The following ZNF862 variants were observed in gnomAD, a reference collection of about 807,000 sequenced individuals.
The protein encoded by ZNF862 is zinc finger protein 862.
A neutral mutation model predicts 91.1 loss-of-function variants in ZNF862; 64 were observed. The observed-to-expected ratio is 0.70, with a 90% CI of 0.57 to 0.87. The LOEUF (loss-of-function observed/expected upper bound fraction) is 0.87, where lower values mean the gene tolerates loss of function less well. ZNF862 is among the 40% of genes least tolerant of loss of function. The pLI is 0.00. For missense variants in ZNF862, 1,459 were observed against 1,528.0 expected, an observed-to-expected ratio of 0.95 and a Z score of 0.75; for synonymous variants, 631 against 618.1, an observed-to-expected ratio of 1.02 and a Z score of -0.31.
chr7:149,861,980 A>C lies in ZNF862; in HGVS notation c.2820A>C (p.Arg940=). 6.2e-7 allele frequency: 1 copy of C among 1,613,174 alleles called. No homozygotes were observed. Among genetic ancestry groups the C allele is most frequent in the Non-Finnish European group, 8.5e-7 (1 of 1,179,794 alleles). The change falls in exon 7 of 8, where the codon CGA becomes CGC. Residue 940 remains arginine, a synonymous_variant. Transcript: ENST00000223210. The surrounding 1 kb of genome is among the most constrained non-coding windows in gnomAD (Gnocchi z 6.7). ...EYLQQRFDAD[R]PPQLKNMEVF... ...TCCAGCAGAGGTTTGACGCAGACCGACCCCCACAGCTGAAGAACATGGAGG... is the reference window on the plus strand; with the variant it reads ...TCCAGCAGAGGTTTGACGCAGACCGCCCCCCACAGCTGAAGAACATGGAGG...
rs1563116351 is a variant in ZNF862 at position 149,844,605 on chromosome 7, A to G, written c.25-20A>G. On this transcript the variant is annotated intron_variant, in intron 1 of 7. Transcript: ENST00000223210. Reference sequence around the variant, plus strand: ...TCTAAGGAAGAGAGTGGTACTTAGCAGCTGTCATTTTCCTTTCAGGCTCCT... The same window carrying G: ...TCTAAGGAAGAGAGTGGTACTTAGCGGCTGTCATTTTCCTTTCAGGCTCCT... 2 of 1,531,712 alleles carry G rather than the reference A, an allele frequency of 1.3e-6. No individual in the cohort carries two copies. Among genetic ancestry groups the G allele is most frequent in the Non-Finnish European group, 8.9e-7 (1 of 1,120,376 alleles). The allele number at this position is 1,531,712 out of a possible 1,614,324, so 94.9% of individuals were successfully genotyped here.
intron 6 of ZNF862, 117 bp from the exon 7 acceptor site, chr7:149,860,266 C>G: frequency 1.2e-6 from 1 of 866,402 alleles, no homozygotes; most frequent in East Asian, 2.6e-5. Flanking sequence ...AGAAGGATTG[C>G]ATTCATCTTC....
In ZNF862 at chr7:149,841,779, T is replaced by TA. The variant is rs11399816; in HGVS notation, c.25-2845dup. 5,851 of 984,482 alleles carry TA rather than the reference T, an allele frequency of 5.9e-3. 211 individuals carry two copies. In the African/African-American group the frequency reaches 0.086, roughly 14 times the overall value. The allele number at this position is 984,482 out of a possible 1,614,324, so 61.0% of individuals were successfully genotyped here. On this transcript the variant is annotated intron_variant, in intron 1 of 7. Coordinates refer to ENST00000223210, the MANE Select transcript of ZNF862 (RefSeq NM_001099220.3). The stretch of plus-strand genomic sequence containing the variant: ...CTATCTTTCCTGTACAAGTGACTGA[T>TA]ACTCCTTTCTCATTTTTTTCTGAAC...
In ZNF862 at chr7:149,862,306, T is replaced by A. The variant is rs1021360007; in HGVS notation, c.3146T>A (p.Ile1049Asn). 12 of 1,613,500 alleles carry A rather than the reference T, an allele frequency of 7.4e-6. No individual in the cohort carries two copies. The highest frequency in any genetic ancestry group is 1.0e-5 in the Non-Finnish European group (12 of 1,179,730). ...CGGGGGTTCAAGGCCATGAACCGAATCAGGACCGATGAGAGGACCAAGCTC... is the reference window on the plus strand; with the variant it reads ...CGGGGGTTCAAGGCCATGAACCGAAACAGGACCGATGAGAGGACCAAGCTC... Reference protein sequence around the residue: ...CERGFKAMNRIRTDERTKLSN... With the variant: ...CERGFKAMNRNRTDERTKLSN... Residue 1049 changes from isoleucine (I) to asparagine (N), a missense_variant, in exon 7 of 8, where the codon ATC (isoleucine) becomes AAC (asparagine). Coordinates refer to ENST00000223210, the MANE Select transcript of ZNF862 (RefSeq NM_001099220.3).
chr7:149,841,130 CTG>C (rs1171316334), intron 1 of ZNF862: 20 of 985,330 alleles, frequency 2.0e-5, no homozygotes, highest in Non-Finnish European at 2.4e-5. Flanking sequence ...ACAAAACCAA[CTG>C]TCAGTGTAAG....
chr7:149,851,329 C>T (rs1467257378), intron 5 of ZNF862, among the ~76,000 whole-genome samples: 1 of 152,196 alleles, frequency 6.6e-6, no homozygotes, highest in Non-Finnish European at 1.5e-5. Flanking sequence ...GCACACCTGG[C>T]CAACATGTTT....
Position 149,850,121 on chromosome 7 carries a change from T to C in ZNF862, c.940-40T>C, listed in dbSNP as rs1270963115. On this transcript the variant is annotated intron_variant, in intron 4 of 7. Coordinates refer to ENST00000223210, the MANE Select transcript of ZNF862 (RefSeq NM_001099220.3). The surrounding 1 kb of genome is among the most constrained non-coding windows in gnomAD (Gnocchi z 4.2). ...CAGAAGTGTCACGTGGGAGTCTGGC[T>C]CGGCAGGCGGTGCTGAGTGGCCGCT... 6.5e-7 allele frequency: 1 copy of C among 1,549,942 alleles called. No homozygotes were observed. Among genetic ancestry groups the C allele is most frequent in the Non-Finnish European group, 8.7e-7 (1 of 1,146,916 alleles).
At position 149,861,870 on chromosome 7, in the gene ZNF862, G is replaced by T; in HGVS notation, c.2710G>T (p.Gly904Cys). 1 of 1,613,724 alleles carries T rather than the reference G, an allele frequency of 6.2e-7. No homozygotes were observed. Among genetic ancestry groups the T allele is most frequent in the Non-Finnish European group, 8.5e-7 (1 of 1,179,874 alleles). Reference sequence around the variant, plus strand: ...CAGCTTCAAGGATGGGCGGCTCCACGGCATCTGCTTGGACAAACTGGAGGT... The same window carrying T: ...CAGCTTCAAGGATGGGCGGCTCCACTGCATCTGCTTGGACAAACTGGAGGT... ...NASFKDGRLH[G>C]ICLDKLEVAE... Residue 904 changes from glycine to cysteine, a missense_variant, in exon 7 of 8, where the codon GGC becomes TGC. Gly to Cys is a radical substitution (Grantham distance 159). Coordinates refer to ENST00000223210, the MANE Select transcript of ZNF862 (RefSeq NM_001099220.3). This position sits in a 1 kb window ranked among gnomAD's most constrained non-coding sequence, Gnocchi z 6.7.
rs755995117 is a variant in ZNF862, at chr7:149,847,874, C to T, written c.381C>T (p.Ala127=). The change falls in exon 4 of 8, where the codon GCC becomes GCT. Residue 127 remains alanine, a synonymous_variant. Transcript: ENST00000223210. ...TGSGHIEGDW[A]GRNRKLLKPR... ...GTGGACACATCGAGGGAGACTGGGC[C>T]GGAAGAAACAGGAAACTTCTGAAGC... 56 of 1,611,140 alleles carry T rather than the reference C, an allele frequency of 3.5e-5. No individual in the cohort carries two copies. Among genetic ancestry groups the T allele is most frequent in the Admixed American group, 1.2e-4 (7 of 59,538 alleles).
rs944095952 is a variant in ZNF862 at position 149,847,744 on chromosome 7, A to C, written c.251A>C (p.Gln84Pro). 1 of 1,606,514 alleles carries C rather than the reference A, an allele frequency of 6.2e-7. No homozygotes were observed. Among genetic ancestry groups the C allele is most frequent in the Non-Finnish European group, 8.5e-7 (1 of 1,177,080 alleles). ...SLLEHHPGKK[Q>P]MGYMGEMEVQ... The stretch of plus-strand genomic sequence containing the variant: ...TGTCTCTTCTCTAAAGGAAAAAAAC[A>C]GATGGGCTACATGGGAGAAATGGAG... The change falls in exon 4 of 8, where the codon CAG becomes CCG. Residue 84 changes from glutamine (Q) to proline (P), a missense_variant. Coordinates refer to ENST00000223210, the MANE Select transcript of ZNF862 (RefSeq NM_001099220.3).
chr7:149,863,166 G>A (rs1276155854), intron 7 of ZNF862, among the ~76,000 whole-genome samples: 1 of 151,298 alleles, frequency 6.6e-6, no homozygotes, highest in Non-Finnish European at 1.5e-5. Flanking sequence ...GGGAGGGCAA[G>A]TTACTGAAAG....
At position 149,850,265 on chromosome 7, in the gene ZNF862, C is replaced by A. The variant is rs373255272; in HGVS notation, c.1044C>A (p.Gly348=). ...VAVYFTREEW[G]MLDKRQKELY... ...TGTATTTCACCCGGGAGGAGTGGGG[C>A]ATGCTAGACAAGCGGCAGAAGGAGC... is the stretch of plus-strand genomic sequence containing the variant. Residue 348 remains glycine, a synonymous_variant, in exon 5 of 8, where the codon GGC becomes GGA. Coordinates refer to ENST00000223210, the MANE Select transcript of ZNF862 (RefSeq NM_001099220.3). This position sits in a 1 kb window ranked among gnomAD's most constrained non-coding sequence, Gnocchi z 4.2. 6.2e-7 allele frequency: 1 copy of A among 1,613,636 alleles called. No individual in the cohort carries two copies. Among genetic ancestry groups the A allele is most frequent in the South Asian group, 1.1e-5 (1 of 90,978 alleles).
In ZNF862 at chr7:149,847,733, A is replaced by G. The variant is rs1336533281; in HGVS notation, c.242-2A>G. On this transcript the variant is annotated splice_acceptor_variant, in intron 3 of 7. Transcript: ENST00000223210. LOFTEE classifies it high-confidence loss of function. ...CCAATCCCTTCTGTCTCTTCTCTAA[A>G]GGAAAAAAACAGATGGGCTACATGG... 2 of 1,601,958 alleles carry G rather than the reference A, an allele frequency of 1.2e-6. No individual in the cohort carries two copies. Among genetic ancestry groups the G allele is most frequent in the Non-Finnish European group, 1.7e-6 (2 of 1,174,598 alleles).
chr7:149,841,079 T>A, intron 1 of ZNF862: 1 of 985,396 alleles, frequency 1.0e-6, no homozygotes, highest in Non-Finnish European at 1.2e-6. Context: ...TTTTCTAATA[T>A]GGGAAATGAG....
rs778388896 is a variant in ZNF862, at chr7:149,848,122, A to T, written c.629A>T (p.Asp210Val). ...TGTGTCAATGCCTTGGCAGCGAGGG[A>T]CCCCATCTGGGCAGCCCGGTTCCGG... ...MFCVNALAAR[D>V]PIWAARFRSI... Residue 210 changes from aspartate to valine, a missense_variant, in exon 4 of 8, where the codon GAC becomes GTC. Asp to Val is a radical substitution (Grantham distance 152). Transcript: ENST00000223210. 2 of 1,614,006 alleles carry T rather than the reference A, an allele frequency of 1.2e-6. No individual in the cohort carries two copies. Among genetic ancestry groups the T allele is most frequent in the South Asian group, 2.2e-5 (2 of 91,086 alleles).
Position 149,862,005 on chromosome 7 carries a change from G to T in ZNF862, c.2845G>T (p.Val949Leu). Residue 949 changes from valine (V) to leucine (L), a missense_variant, in exon 7 of 8, where the codon GTG (valine) becomes TTG (leucine). Transcript: ENST00000223210. ...ACCCCCACAGCTGAAGAACATGGAG[G>T]TGTTTGACACCATGGCCTGGCCAAG... The part of the protein sequence containing the change: ...DRPPQLKNME[V>L]FDTMAWPSGI... 1.9e-6 allele frequency: 3 copies of T among 1,613,848 alleles called. No homozygotes were observed. Among genetic ancestry groups the T allele is most frequent in the Non-Finnish European group, 2.5e-6 (3 of 1,179,896 alleles).
intron 7 of ZNF862, among the ~76,000 whole-genome samples, chr7:149,863,196 C>T (rs1290446092): frequency 6.6e-6 from 1 of 152,198 alleles, no homozygotes; most frequent in Non-Finnish European, 1.5e-5. Flanking sequence ...GGAAATTTTT[C>T]TCTTCAAGTA....
Position 149,838,502 on chromosome 7 carries a change from T to G in ZNF862, c.-110T>G, listed in dbSNP as rs867641069. Reference sequence around the variant, plus strand: ...TCTTGGGCCGCGCTCCCTCCCTACCTGGGTGCCCTCCCCCTCCGGGAGCCT... The same window carrying G: ...TCTTGGGCCGCGCTCCCTCCCTACCGGGGTGCCCTCCCCCTCCGGGAGCCT... On this transcript the variant is annotated 5_prime_UTR_variant, in exon 1 of 8. Coordinates refer to ENST00000223210, the MANE Select transcript of ZNF862 (RefSeq NM_001099220.3). 4.2e-6 allele frequency: 3 copies of G among 718,586 alleles called. No homozygotes were observed. Among genetic ancestry groups the G allele is most frequent in the Middle Eastern group, 3.7e-4 (1 of 2,700 alleles). 44.5% of individuals were successfully genotyped at this position (718,586 alleles called of 1,614,324 possible).
rs1286948859 is a variant in ZNF862 at position 149,850,850 on chromosome 7, G to A, written c.1117+512G>A. On this transcript the variant is annotated intron_variant, in intron 5 of 7. Coordinates refer to ENST00000223210, the MANE Select transcript of ZNF862 (RefSeq NM_001099220.3). The surrounding 1 kb of genome is among the most constrained non-coding windows in gnomAD (Gnocchi z 4.2). ...GGAAGGGCATTGAGCCATGATGGAGGGGACGGCCTGGCAGAGCCACCCCTA... is the reference window on the plus strand; with the variant it reads ...GGAAGGGCATTGAGCCATGATGGAGAGGACGGCCTGGCAGAGCCACCCCTA... 1 of 156,758 alleles carries A rather than the reference G, an allele frequency of 6.4e-6. No homozygotes were observed. Among genetic ancestry groups the A allele is most frequent in the East Asian group, 1.9e-4 (1 of 5,206 alleles). The allele number at this position is 156,758 out of a possible 1,614,324, so 9.7% of individuals were successfully genotyped here. A position where few individuals can be genotyped will look rare whatever the true frequency, so the allele number is the denominator to read the frequency against.
Sources: gnomAD v4.1 joint callset for allele counts (sites outside exome capture counted in the v4.1 genomes callset) on GRCh38, gnomAD v4.1.1 for gene constraint, Gnocchi (gnomAD v3.1) non-coding constraint, MANE v1.5 for transcripts, NCBI Gene and HGNC (gene_info 2026-07-23, HGNC 2026-07-21) for gene names.